The following RNPEP variants were observed in gnomAD, a reference collection of about 807,000 sequenced individuals.
The protein encoded by RNPEP is aminopeptidase B.
A neutral mutation model predicts 70.1 loss-of-function variants in RNPEP; 57 were observed. That is an observed-to-expected ratio of 0.81 (90% CI 0.66 to 1.01). The LOEUF is 1.01. RNPEP is among the 50% of genes least tolerant of loss of function. The pLI, the probability that RNPEP is intolerant of heterozygous loss-of-function variation, is 0.00. For synonymous variants in RNPEP, 335 were observed against 357.4 expected (o/e 0.94, Z 0.71); for missense variants, 787 against 852.4 (o/e 0.92, Z 0.96).
Position 201,999,399 on chromosome 1 carries a change from C to T in RNPEP, c.1091-503C>T, listed in dbSNP as rs565803424. Among the ~76,000 whole-genome samples the T allele has an allele frequency of 4.0e-4, 61 of 151,774 alleles. No homozygotes were observed. The South Asian group carries it at 0.011, about 28-fold the overall frequency. ...ACTAAAAATACAAAAATTAGCTGGG[C>T]GTGGTGGTGCACACCTGTAATCCCG... On this transcript the variant is annotated intron_variant, in intron 5 of 10. Coordinates refer to ENST00000295640, the MANE Select transcript of RNPEP (RefSeq NM_020216.4).
chr1:201,994,504 T>C (rs1015046299), intron 3 of RNPEP, among the ~76,000 whole-genome samples: 2 of 152,124 alleles, frequency 1.3e-5, no homozygotes, highest in African/African-American at 4.8e-5. Context: ...CACATGCATA[T>C]GCAGTGTTCC....
chr1:202,005,591 G>C lies in RNPEP; in HGVS notation c.1828G>C (p.Ala610Pro). Reference sequence around the variant, plus strand: ...GAAGTATACACTTCCGCTGTACCACGCAATGATGGGTGGCAGTGAGGTGGC... The same window carrying C: ...GAAGTATACACTTCCGCTGTACCACCCAATGATGGGTGGCAGTGAGGTGGC... ...KQKYTLPLYH[A>P]MMGGSEVAQT... Residue 610 changes from alanine (A) to proline (P), a missense_variant, in exon 11 of 11, where the codon GCA becomes CCA. Coordinates refer to ENST00000295640, the MANE Select transcript of RNPEP (RefSeq NM_020216.4). 1 of 1,614,174 alleles carries C rather than the reference G, an allele frequency of 6.2e-7. No individual in the cohort carries two copies. The highest frequency in any genetic ancestry group is 8.5e-7 in the Non-Finnish European group (1 of 1,180,028).
chr1:202,000,005 G>C lies in RNPEP; in HGVS notation c.1194G>C (p.Lys398Asn). 1 of 1,613,124 alleles carries C rather than the reference G, an allele frequency of 6.2e-7. No individual in the cohort carries two copies. Residue 398 changes from lysine (K) to asparagine (N), a missense_variant, in exon 6 of 11, where the codon AAG becomes AAC. By Grantham distance (94) the Lys-to-Asn change is moderately conservative. Coordinates refer to ENST00000295640, the MANE Select transcript of RNPEP (RefSeq NM_020216.4). ...ACCCACTCAACAAGCTCCGCGTGAAGATTGAACCAGGTCCAGGAGGCTCCT... is the reference window on the plus strand; with the variant it reads ...ACCCACTCAACAAGCTCCGCGTGAACATTGAACCAGGTCCAGGAGGCTCCT... ...EENPLNKLRV[K>N]IEPGVDPDDT...
intron 1 of RNPEP, among the ~76,000 whole-genome samples, chr1:201,987,893 C>T (rs893329750): frequency 5.3e-5 from 8 of 151,996 alleles, no homozygotes; most frequent in African/African-American, 9.7e-5. Flanking sequence ...GTAATCCCAG[C>T]ACTTTGGGAA....
intron 5 of RNPEP, among the ~76,000 whole-genome samples, chr1:201,997,797 CT>C (rs1683619119): frequency 7.7e-6 from 1 of 130,036 alleles, no homozygotes; most frequent in Admixed American, 8.9e-5. Context: ...GAGTTTTGCT[CT>C]TGTTGCCCAG....
Position 202,000,028 on chromosome 1 carries a change from C to T in RNPEP, c.1204+13C>T, listed in dbSNP as rs2102979293. Reference sequence around the variant, plus strand: ...AAGATTGAACCAGGTCCAGGAGGCTCCTCTGTCTGACACCCACTCCCCTCA... The same window carrying T: ...AAGATTGAACCAGGTCCAGGAGGCTTCTCTGTCTGACACCCACTCCCCTCA... On this transcript the variant is annotated intron_variant, in intron 6 of 10. Transcript: ENST00000295640. 1 of 1,595,942 alleles carries T rather than the reference C, an allele frequency of 6.3e-7. No homozygotes were observed. The highest frequency in any genetic ancestry group is 8.6e-7 in the Non-Finnish European group (1 of 1,164,924).
intron 3 of RNPEP, among the ~76,000 whole-genome samples, chr1:201,993,335 G>A (rs1313086388): frequency 6.6e-6 from 1 of 152,132 alleles, no homozygotes; most frequent in Admixed American, 6.6e-5. Context: ...GGTGGCTCAC[G>A]CTTGTAATCC....
chr1:201,986,325 C>G (rs1683130166), intron 1 of RNPEP, among the ~76,000 whole-genome samples: 3 of 151,992 alleles, frequency 2.0e-5, no homozygotes, highest in Admixed American at 2.0e-4. Context: ...AAACTCCTGG[C>G]CTCAAGCGAT....
At chr1:202,003,523 G>A in intron 9 of RNPEP, 62 bp downstream of exon 9, 1 of 1,225,448 alleles carries the variant, frequency 8.2e-7, no homozygotes, top group East Asian at 2.4e-5. Flanking sequence ...GGGCTAGAGG[G>A]AGGCTCACAA....
Position 201,997,422 on chromosome 1 carries a change from G to C in RNPEP, c.958G>C (p.Ala320Pro). The C allele has an allele frequency of 6.2e-7, 1 of 1,614,086 alleles. No homozygotes were observed. The highest frequency in any genetic ancestry group is 2.2e-5 in the East Asian group (1 of 44,868). Residue 320 changes from alanine (A) to proline (P), a missense_variant, in exon 5 of 11, where the codon GCA becomes CCA. Coordinates refer to ENST00000295640, the MANE Select transcript of RNPEP (RefSeq NM_020216.4). ...CCTGCTAGCTGGGGACCGCTCCTTG[G>C]CAGATGTCATCATCCATGAGATCTC... Reference protein sequence around the residue: ...PCLLAGDRSLADVIIHEISHS... With the variant: ...PCLLAGDRSLPDVIIHEISHS...
At position 202,004,082 on chromosome 1, in the gene RNPEP, C is replaced by T. The variant is rs541579676; in HGVS notation, c.1652-272C>T. ...TCGACCAGGCTGGAGTGCCGTGGTG[C>T]TATTGGCTCACAGCAACCTCCACCT... On this transcript the variant is annotated intron_variant, in intron 9 of 10. Coordinates refer to ENST00000295640, the MANE Select transcript of RNPEP (RefSeq NM_020216.4). 2.4e-4 allele frequency among the ~76,000 whole-genome samples: 36 copies of T among 152,288 alleles called. No homozygotes were observed. In the East Asian group the frequency reaches 6.4e-3, roughly 27 times the overall value.
chr1:202,002,170 T>C (rs1234331657), intron 8 of RNPEP, among the ~76,000 whole-genome samples: 2 of 150,702 alleles, frequency 1.3e-5, no homozygotes, highest in African/African-American at 2.4e-5. Context: ...CTTTTCTTTT[T>C]TTTTTTTTTT....
At chr1:201,994,698 ACT>A (rs1374452982) in intron 3 of RNPEP, among the ~76,000 whole-genome samples, 1 of 139,440 alleles carries the variant, frequency 7.2e-6, no homozygotes, top group Admixed American at 7.3e-5. Flanking sequence ...ACAGAGTCTT[ACT>A]CTGTCACCCA....
intron 3 of RNPEP, among the ~76,000 whole-genome samples, chr1:201,993,892 G>A (rs2102970718): frequency 6.6e-6 from 1 of 152,108 alleles, no homozygotes; most frequent in African/African-American, 2.4e-5. Flanking sequence ...CGCACTGGCT[G>A]CACTTCTTGA....
At chr1:201,988,790 C>A in intron 1 of RNPEP, 114 bp from the exon 2 acceptor site, 2 of 1,289,804 alleles carry the variant, frequency 1.6e-6, no homozygotes, top group South Asian at 3.2e-5. Context: ...GACTGGCTGG[C>A]GGAAAGGTTT....
intron 9 of RNPEP, 56 bp downstream of exon 9, chr1:202,003,517 T>C: frequency 7.8e-7 from 1 of 1,278,230 alleles, no homozygotes; most frequent in South Asian, 1.3e-5. Context: ...TGTCAGGGGC[T>C]AGAGGGAGGC....
Position 201,983,757 on chromosome 1 carries a change from C to T in RNPEP, c.447+644C>T, listed in dbSNP as rs575341192. The T allele has an allele frequency of 3.6e-6, 4 of 1,101,508 alleles. No homozygotes were observed. The African/African-American group carries it at 6.7e-5, about 19-fold the overall frequency. The allele number at this position is 1,101,508 out of a possible 1,614,324, so 68.2% of individuals were successfully genotyped here. A position where few individuals can be genotyped will look rare whatever the true frequency, so the allele number is the denominator to read the frequency against. On this transcript the variant is annotated intron_variant, in intron 1 of 10. Coordinates refer to ENST00000295640, the MANE Select transcript of RNPEP (RefSeq NM_020216.4). ...TTGGCCTTCTCACTGTTGGTTAACTCTTTAATTTTTTTTCGGGACGGGGCA... is the reference window on the plus strand; with the variant it reads ...TTGGCCTTCTCACTGTTGGTTAACTTTTTAATTTTTTTTCGGGACGGGGCA...
In RNPEP at chr1:201,983,077, G is replaced by C. The variant is rs1682998678; in HGVS notation, c.411G>C (p.Gln137His). Residue 137 changes from glutamine (Q) to histidine (H), a missense_variant, in exon 1 of 11, where the codon CAG becomes CAC. Physicochemically the swap from Gln to His is conservative, Grantham distance 24 (BLOSUM62 0). Transcript: ENST00000295640. ...CCTGCCGCGCCGCCGAGCGCCTCCA[G>C]GTGCTGCTCACCTACCGCGTCGGGG... ...PQPCRAAERL[Q>H]VLLTYRVGEG... 5.3e-6 allele frequency: 8 copies of C among 1,522,334 alleles called. No individual in the cohort carries two copies. The highest frequency in any genetic ancestry group is 1.2e-5 in the South Asian group (1 of 80,792). The allele number at this position is 1,522,334 out of a possible 1,614,324, so 94.3% of individuals were successfully genotyped here. A position where few individuals can be genotyped will look rare whatever the true frequency, so the allele number is the denominator to read the frequency against.
Position 201,989,043 on chromosome 1 carries a change from A to C in RNPEP, c.587A>C (p.Glu196Ala). 6.2e-7 allele frequency: 1 copy of C among 1,612,646 alleles called. No individual in the cohort carries two copies. The highest frequency in any genetic ancestry group is 8.5e-7 in the Non-Finnish European group (1 of 1,179,580). Residue 196 changes from glutamate (E) to alanine (A), a missense_variant and splice_region_variant, in exon 2 of 11, where the codon GAG becomes GCG. Coordinates refer to ENST00000295640, the MANE Select transcript of RNPEP (RefSeq NM_020216.4). Reference sequence around the variant, plus strand: ...AAATACAAGTATTCAGCTCTTATTGAGGTAAGGAGACTAAGGTTAGGTGCA... The same window carrying C: ...AAATACAAGTATTCAGCTCTTATTGCGGTAAGGAGACTAAGGTTAGGTGCA... Reference protein sequence around the residue: ...AVKYKYSALIEVPDGFTAVMS... With the variant: ...AVKYKYSALIAVPDGFTAVMS...
Sources: gnomAD v4.1 joint callset for allele counts (sites outside exome capture counted in the v4.1 genomes callset) on GRCh38, gnomAD v4.1.1 for gene constraint, MANE v1.5 for transcripts, NCBI Gene and HGNC (gene_info 2026-07-23, HGNC 2026-07-21) for gene names.